The following DHRS3 variants were observed in gnomAD, a reference collection of about 807,000 sequenced individuals.
The protein encoded by DHRS3 is dehydrogenase/reductase 3, also known as short-chain dehydrogenase/reductase 3.
Under a neutral mutation model 27.2 loss-of-function variants are expected in DHRS3, and 14 were observed. The ratio of observed to expected loss-of-function variants is 0.52; its 90% CI spans 0.34 to 0.81. The LOEUF is 0.81. DHRS3 is among the 30% of genes least tolerant of loss of function. The probability of loss-of-function intolerance (pLI) is 0.01; values close to 1 mark genes in which losing one functional copy is unlikely to be tolerated. For synonymous variants in DHRS3, 165 were observed against 175.9 expected, an observed-to-expected ratio of 0.94 and a Z score of 0.49; for missense variants, 322 against 406.2, an observed-to-expected ratio of 0.79 and a Z score of 1.78.
At chr1:12,611,936 A>AATAAATAAATAC (rs939764866) in intron 1 of DHRS3, among the ~76,000 whole-genome samples, 2 of 151,212 alleles carry the variant, frequency 1.3e-5, no homozygotes, top group African/African-American at 4.9e-5. Flanking sequence ...CTATTTTTAA[A>AATAAATAAATAC]ATAAATAAAT....
At chr1:12,599,338 T>C (rs4388713) in intron 1 of DHRS3, among the ~76,000 whole-genome samples, 1 of 152,180 alleles carries the variant, frequency 6.6e-6, no homozygotes, top group Admixed American at 6.5e-5. Context: ...CCTTGGCCCA[T>C]AGGGCCAGTT....
intron 4 of DHRS3, among the ~76,000 whole-genome samples, chr1:12,575,843 A>G (rs1375148077): frequency 2.6e-5 from 4 of 152,068 alleles, no homozygotes; most frequent in Non-Finnish European, 2.9e-5. Context: ...AGTAGCTGGG[A>G]TTACAGGCAC....
intron 5 of DHRS3, among the ~76,000 whole-genome samples, chr1:12,569,726 C>T (rs904174069): frequency 1.3e-5 from 2 of 152,064 alleles, no homozygotes; most frequent in African/African-American, 2.4e-5. Flanking sequence ...CCACCATGCC[C>T]GCCTAATTTC....
At chr1:12,582,305 C>A (rs1350740630) in intron 1 of DHRS3, among the ~76,000 whole-genome samples, 1 of 152,118 alleles carries the variant, frequency 6.6e-6, no homozygotes, top group Non-Finnish European at 1.5e-5. Flanking sequence ...CCAATGGAAT[C>A]GATTTTTTAA....
In DHRS3 at chr1:12,592,061, G is replaced by A. The variant is rs567125382; in HGVS notation, c.196-11395C>T. Among the ~76,000 whole-genome samples the A allele has an allele frequency of 2.6e-5, 4 of 152,228 alleles. No individual in the cohort carries two copies. Among genetic ancestry groups the A allele is most frequent in the Admixed American group, 6.5e-5 (1 of 15,302 alleles). ...TGGGTCAGCACAGTGCCCAGGGCTG[G>A]TGTTTGCTGTGAGGGGGTATGGGGT... On this transcript the variant is annotated intron_variant, in intron 1 of 5. Coordinates refer to ENST00000616661, the MANE Select transcript of DHRS3 (RefSeq NM_004753.7). The surrounding 1 kb of genome is among the most constrained non-coding windows in gnomAD (Gnocchi z 4.2).
In DHRS3 at chr1:12,591,905, A is replaced by G. The variant is rs369882900; in HGVS notation, c.196-11239T>C. 9.2e-5 allele frequency among the ~76,000 whole-genome samples: 14 copies of G among 152,358 alleles called. No homozygotes were observed. Among genetic ancestry groups the G allele is most frequent in the African/African-American group, 3.1e-4 (13 of 41,578 alleles). On this transcript the variant is annotated intron_variant, in intron 1 of 5. Transcript: ENST00000616661. The surrounding 1 kb of genome is among the most constrained non-coding windows in gnomAD (Gnocchi z 4.1). ...CAGGGAATGAGGGAAAGGTGCGGTC[A>G]TCATTCGGTCTTGATGACCAAGTGG...
At chr1:12,601,939 T>C (rs1438750289) in intron 1 of DHRS3, among the ~76,000 whole-genome samples, 1 of 152,222 alleles carries the variant, frequency 6.6e-6, no homozygotes, top group Non-Finnish European at 1.5e-5. Context: ...TCTAACTAGC[T>C]ACAATGGGTC....
At chr1:12,607,349 C>G (rs1411803241) in intron 1 of DHRS3, among the ~76,000 whole-genome samples, 1 of 152,204 alleles carries the variant, frequency 6.6e-6, no homozygotes, top group Non-Finnish European at 1.5e-5. Flanking sequence ...TCCCCATAAT[C>G]CCCATCTGCC....
intron 1 of DHRS3, among the ~76,000 whole-genome samples, chr1:12,587,265 C>A (rs1269910817): frequency 6.6e-6 from 1 of 151,716 alleles, no homozygotes. Flanking sequence ...ACCTCAGCCT[C>A]CCAAGTAGCT....
At position 12,618,089 on chromosome 1, in the gene DHRS3, C is replaced by G. The variant is rs1377123706; in HGVS notation, c.-741G>C. Among the ~76,000 whole-genome samples, 1 of 152,070 alleles carries G rather than the reference C, an allele frequency of 6.6e-6. No homozygotes were observed. Among genetic ancestry groups the G allele is most frequent in the Non-Finnish European group, 1.5e-5 (1 of 68,010 alleles). On this transcript the variant is annotated 5_prime_UTR_variant, in exon 1 of 6. Coordinates refer to ENST00000616661, the MANE Select transcript of DHRS3 (RefSeq NM_004753.7). This position sits in a 1 kb window ranked among gnomAD's most constrained non-coding sequence, Gnocchi z 4.2. ...CCGGCTCCCTCCCTCCCTCTCTGTT[C>G]CAGCAGAGGCTGGGAGTTGCCGCTC...
At chr1:12,581,173 A>T (rs1278344783) in intron 1 of DHRS3, among the ~76,000 whole-genome samples, 1 of 152,226 alleles carries the variant, frequency 6.6e-6, no homozygotes, top group African/African-American at 2.4e-5. Context: ...TAAGTGAACC[A>T]GTAGTTTCTG....
At position 12,591,781 on chromosome 1, in the gene DHRS3, G is replaced by A. The variant is rs548531017; in HGVS notation, c.196-11115C>T. Among the ~76,000 whole-genome samples the A allele has an allele frequency of 6.6e-6, 1 of 152,340 alleles. No individual in the cohort carries two copies. The highest frequency in any genetic ancestry group is 1.9e-4 in the East Asian group (1 of 5,188). ...GCCCTTGGCCACTGACTTTACCTGC[G>A]GGAGCAAAATGACCCCACGAAACAA... On this transcript the variant is annotated intron_variant, in intron 1 of 5. Coordinates refer to ENST00000616661, the MANE Select transcript of DHRS3 (RefSeq NM_004753.7). This position sits in a 1 kb window ranked among gnomAD's most constrained non-coding sequence, Gnocchi z 4.1.
At chr1:12,607,991 C>A (rs1646882378) in intron 1 of DHRS3, among the ~76,000 whole-genome samples, 1 of 152,156 alleles carries the variant, frequency 6.6e-6, no homozygotes, top group African/African-American at 2.4e-5. Context: ...GATTCTCCTG[C>A]CTCAGTCTCC....
chr1:12,613,033 C>T (rs1646920571), intron 1 of DHRS3, among the ~76,000 whole-genome samples: 1 of 151,378 alleles, frequency 6.6e-6, no homozygotes, highest in Non-Finnish European at 1.5e-5. Context: ...GCACTCCAGC[C>T]TGGGCAATAA....
chr1:12,581,520 G>A (rs1471426183), intron 1 of DHRS3, among the ~76,000 whole-genome samples: 1 of 152,184 alleles, frequency 6.6e-6, no homozygotes, highest in Non-Finnish European at 1.5e-5. Flanking sequence ...TGAGAAGGAA[G>A]CATGGCCTCA....
rs1322237253 is a variant in DHRS3, at chr1:12,574,168, T to TTTTTTTA, written c.699-1322_699-1316dup. ...TCCTTTGTCATCACAATGATGATTC[T>TTTTTTTA]TTTTTTATTTTTTATTTTTGAGTCC... On this transcript the variant is annotated intron_variant, in intron 4 of 5. Coordinates refer to ENST00000616661, the MANE Select transcript of DHRS3 (RefSeq NM_004753.7). This position sits in a 1 kb window ranked among gnomAD's most constrained non-coding sequence, Gnocchi z 4.6. 1.3e-5 allele frequency among the ~76,000 whole-genome samples: 2 copies of TTTTTTTA among 152,178 alleles called. No homozygotes were observed. The highest frequency in any genetic ancestry group is 2.9e-5 in the Non-Finnish European group (2 of 68,028).
chr1:12,570,561 G>C (rs940828561), intron 5 of DHRS3, among the ~76,000 whole-genome samples: 1 of 152,228 alleles, frequency 6.6e-6, no homozygotes, highest in South Asian at 2.1e-4. Context: ...AGAGAATGGG[G>C]AGCGGGGTGG....
chr1:12,617,990 G>T lies in DHRS3; in HGVS notation c.-642C>A, dbSNP rs1221889201. Among the ~76,000 whole-genome samples, 1 of 151,914 alleles carries T rather than the reference G, an allele frequency of 6.6e-6. No homozygotes were observed. The highest frequency in any genetic ancestry group is 1.9e-4 in the East Asian group (1 of 5,162). On this transcript the variant is annotated 5_prime_UTR_variant, in exon 1 of 6. Coordinates refer to ENST00000616661, the MANE Select transcript of DHRS3 (RefSeq NM_004753.7). ...TAAACGCGATCTGATTGCCAGCAAC[G>T]TGCAGGAGAAGTGGGGGGTCCGGGT...
At position 12,568,130 on chromosome 1, in the gene DHRS3, T is replaced by C. The variant is rs1646500300; in HGVS notation, c.*210A>G. ...AAAGTGTCAAGGTGGCTTCTGGCTG[T>C]TTTCCTGCCTCCCTGTGGGGGTCAG... On this transcript the variant is annotated 3_prime_UTR_variant, in exon 6 of 6. Coordinates refer to ENST00000616661, the MANE Select transcript of DHRS3 (RefSeq NM_004753.7). 2 of 521,554 alleles carry C rather than the reference T, an allele frequency of 3.8e-6. No homozygotes were observed. Among genetic ancestry groups the C allele is most frequent in the African/African-American group, 1.9e-5 (1 of 52,058 alleles). The allele number at this position is 521,554 out of a possible 1,614,324, so 32.3% of individuals were successfully genotyped here. A position where few individuals can be genotyped will look rare whatever the true frequency, so the allele number is the denominator to read the frequency against.
Sources: allele counts gnomAD v4.1 joint callset (sites outside exome capture counted in the v4.1 genomes callset), GRCh38; gene constraint gnomAD v4.1.1; non-coding constraint Gnocchi (gnomAD v3.1); transcripts MANE v1.5; gene names NCBI Gene and HGNC (gene_info 2026-07-23, HGNC 2026-07-21).